Variants in C5orf34 observed in about 807,000 individuals in gnomAD.
C5orf34 encodes chromosome 5 open reading frame 34.
Under a neutral mutation model 78.4 loss-of-function variants are expected in C5orf34, and 73 were observed. The ratio of observed to expected loss-of-function variants is 0.93; its 90% CI spans 0.77 to 1.13. C5orf34 has a LOEUF of 1.13. Among genes scored for constraint, C5orf34 ranks in the 50% most tolerant of loss-of-function variants. C5orf34 has a pLI of 0.00. For missense variants in C5orf34, 730 were observed against 732.7 expected (o/e 1.00, Z 0.04); for synonymous variants, 251 against 246.6 (o/e 1.02, Z -0.17).
At chr5:43,493,810 C>T (rs571066063) in intron 7 of C5orf34, among the ~76,000 whole-genome samples, 198 bp from the exon 8 acceptor site, 2 of 152,224 alleles carry the variant, frequency 1.3e-5, no homozygotes, top group South Asian at 4.1e-4. Flanking sequence ...GCTAATCTTA[C>T]CTACTTAAGG....
intron 1 of C5orf34, among the ~76,000 whole-genome samples, chr5:43,513,062 G>A (rs921096366): frequency 2.0e-5 from 3 of 151,460 alleles, no homozygotes; most frequent in Non-Finnish European, 2.9e-5. Context: ...GATTACAGGC[G>A]TGAGCCACCG....
At chr5:43,499,778 A>G (rs1049225938) in intron 6 of C5orf34, among the ~76,000 whole-genome samples, 2 of 152,208 alleles carry the variant, frequency 1.3e-5, no homozygotes, top group African/African-American at 2.4e-5. Context: ...TCCAGAATCT[A>G]TTACTGTATG....
rs527824371 is a variant in C5orf34, at chr5:43,496,047, G to A, written c.1153-1446C>T. ...TTCACACCCAGTGTGTAAGCCAGAA[G>A]GGCATGCTCTCAGGTCTGCCCATTC... On this transcript the variant is annotated intron_variant, in intron 6 of 12. Transcript: ENST00000306862. 6 of 1,587,794 alleles carry A rather than the reference G, an allele frequency of 3.8e-6. No individual in the cohort carries two copies. The Admixed American group carries it at 6.7e-5, about 18-fold the overall frequency.
In C5orf34 at chr5:43,506,383, A is replaced by C; in HGVS notation, c.297T>G (p.Ile99Met). 6.2e-7 allele frequency: 1 copy of C among 1,601,408 alleles called. No individual in the cohort carries two copies. The highest frequency in any genetic ancestry group is 1.7e-5 in the Admixed American group (1 of 58,530). ...IPSERKKHIF[I>M]DITEVRWPSL... ...TGGGCCATCTCACTTCTGTTATGTC[A>C]ATGAAGATATGCTGCAAGGAGAGGG... is the stretch of plus-strand genomic sequence containing the variant. The change falls in exon 4 of 13, where the codon ATT becomes ATG. Residue 99 changes from isoleucine to methionine, a missense_variant. Coordinates refer to ENST00000306862, the MANE Select transcript of C5orf34 (RefSeq NM_198566.4).
chr5:43,513,965 C>T lies in C5orf34; in HGVS notation c.-37+841G>A, dbSNP rs573596957. 1.5e-4 allele frequency among the ~76,000 whole-genome samples: 23 copies of T among 152,310 alleles called. No homozygotes were observed. In the South Asian group the frequency reaches 4.8e-3, roughly 32 times the overall value. ...TTATCTGTCTTATATGTAACAGTATCTCTGGCATCTAAAACAGTATTAGGC... is the reference window on the plus strand; with the variant it reads ...TTATCTGTCTTATATGTAACAGTATTTCTGGCATCTAAAACAGTATTAGGC... On this transcript the variant is annotated intron_variant, in intron 1 of 12. Transcript: ENST00000306862.
chr5:43,490,759 G>C (rs1259497957), intron 10 of C5orf34, 30 bp from the exon 11 acceptor site: 1 of 1,144,442 alleles, frequency 8.7e-7, no homozygotes, highest in Non-Finnish European at 1.3e-6. Context: ...AGAAATACTT[G>C]AAAAATGAAC....
At chr5:43,494,805 T>G (rs1251967400) in intron 6 of C5orf34, among the ~76,000 whole-genome samples, 1 of 152,182 alleles carries the variant, frequency 6.6e-6, no homozygotes, top group Non-Finnish European at 1.5e-5. Flanking sequence ...TTAACAGGTC[T>G]CAAAATTCTG....
At chr5:43,495,191 A>G (rs1579860593) in intron 6 of C5orf34, 4 of 1,611,664 alleles carry the variant, frequency 2.5e-6, no homozygotes, top group East Asian at 2.2e-5. Context: ...ACGAACAGCA[A>G]AATGACCCAA....
chr5:43,488,771 C>T (rs1745159413), intron 11 of C5orf34, among the ~76,000 whole-genome samples: 1 of 152,028 alleles, frequency 6.6e-6, no homozygotes, highest in Non-Finnish European at 1.5e-5. Flanking sequence ...TTTTTCTTAT[C>T]AAGTTAGAAT....
chr5:43,503,895 G>A (rs1351982526), intron 4 of C5orf34, 135 bp from the exon 5 acceptor site: 1 of 601,332 alleles, frequency 1.7e-6, no homozygotes. Flanking sequence ...AAATTAATAT[G>A]AAGGTATATT....
At chr5:43,497,172 C>G (rs777450921) in intron 6 of C5orf34, among the ~76,000 whole-genome samples, 6 of 151,864 alleles carry the variant, frequency 4.0e-5, no homozygotes, top group Non-Finnish European at 8.8e-5. Flanking sequence ...TCTGAGTTTC[C>G]TCCTCCTCAG....
intron 6 of C5orf34, among the ~76,000 whole-genome samples, chr5:43,498,267 T>C (rs990504198): frequency 1.3e-5 from 2 of 152,216 alleles, no homozygotes; most frequent in Non-Finnish European, 2.9e-5. Flanking sequence ...TGTCTTTCTC[T>C]ACTGGATATT....
intron 6 of C5orf34, among the ~76,000 whole-genome samples, chr5:43,499,696 C>T (rs949154197): frequency 2.6e-5 from 4 of 152,048 alleles, no homozygotes; most frequent in Non-Finnish European, 5.9e-5. Flanking sequence ...TTGTTCTTTA[C>T]ACAAAAGATA....
intron 11 of C5orf34, among the ~76,000 whole-genome samples, chr5:43,489,481 C>T (rs1034988617): frequency 2.0e-5 from 3 of 152,104 alleles, no homozygotes; most frequent in Non-Finnish European, 4.4e-5. Flanking sequence ...GTATTGACAG[C>T]CTCTTCTCAG....
At chr5:43,514,504 T>C (rs1455249606) in intron 1 of C5orf34, among the ~76,000 whole-genome samples, 1 of 152,134 alleles carries the variant, frequency 6.6e-6, no homozygotes, top group African/African-American at 2.4e-5. Flanking sequence ...ATAGCTTTAC[T>C]GAGGCGGTTT....
At chr5:43,513,746 A>T (rs1159475854) in intron 1 of C5orf34, among the ~76,000 whole-genome samples, 1 of 152,210 alleles carries the variant, frequency 6.6e-6, no homozygotes, top group Non-Finnish European at 1.5e-5. Flanking sequence ...CTTTATCATC[A>T]TCAAGGTTTC....
chr5:43,510,818 T>C (rs1746205908), intron 1 of C5orf34, among the ~76,000 whole-genome samples: 1 of 152,226 alleles, frequency 6.6e-6, no homozygotes, highest in Admixed American at 6.5e-5. Flanking sequence ...CCGCCTGCCT[T>C]GGCCTCCCAA....
intron 1 of C5orf34, 107 bp downstream of exon 1, chr5:43,514,699 C>A (rs1746408898): frequency 6.6e-6 from 1 of 152,154 alleles, no homozygotes; most frequent in Admixed American, 6.5e-5. Context: ...CAAAAATCCA[C>A]AAGTCTGTTC....
intron 6 of C5orf34, chr5:43,495,094 C>T: frequency 6.5e-7 from 1 of 1,527,402 alleles, no homozygotes; most frequent in Non-Finnish European, 9.1e-7. Flanking sequence ...TCTGAGCTGT[C>T]TGGGCAGACT....
Sources: gnomAD v4.1 joint callset for allele counts (sites outside exome capture counted in the v4.1 genomes callset) on GRCh38, gnomAD v4.1.1 for gene constraint, MANE v1.5 for transcripts, NCBI Gene and HGNC (gene_info 2026-07-23, HGNC 2026-07-21) for gene names.